The following CYP1A1 variants were observed in gnomAD, a reference collection of about 807,000 sequenced individuals.
CYP1A1 encodes the protein cytochrome P450 1A1.
CYP1A1 carries 43 observed loss-of-function variants against 33.6 expected under a neutral mutation model. The observed-to-expected ratio is 1.28, with a 90% CI of 1.00 to 1.65. The LOEUF is 1.65. CYP1A1 is among the 40% of genes most tolerant of loss of function. The pLI, the probability that CYP1A1 is intolerant of heterozygous loss-of-function variation, is 0.00. For synonymous variants in CYP1A1, 280 were observed against 257.8 expected (o/e 1.09, Z -0.83); for missense variants, 637 against 653.7 (o/e 0.97, Z 0.28).
intron 1 of CYP1A1, among the ~76,000 whole-genome samples, chr15:74,724,149 TC>T (rs2063195881): frequency 1.3e-5 from 2 of 151,672 alleles, no homozygotes; most frequent in African/African-American, 4.9e-5. Flanking sequence ...AGTTTGGACC[TC>T]CCCCTTTTGC....
Position 74,720,929 on chromosome 15 carries a change from G to T in CYP1A1, c.1253+38C>A, listed in dbSNP as rs749661298. 8.7e-6 allele frequency: 14 copies of T among 1,602,116 alleles called. No individual in the cohort carries two copies. The South Asian group carries it at 9.9e-5, about 11-fold the overall frequency. On this transcript the variant is annotated intron_variant, in intron 6 of 6. Coordinates refer to ENST00000379727, the MANE Select transcript of CYP1A1 (RefSeq NM_001319217.2). ...ATTAATCATATATAAGAGCTTAAGA[G>T]GGTGGACCCAGCCTTTCCTCTGCAT...
intron 2 of CYP1A1, 63 bp from the exon 3 acceptor site, chr15:74,721,780 G>T (rs1319690892): frequency 3.8e-6 from 6 of 1,584,036 alleles, no homozygotes; most frequent in Non-Finnish European, 5.1e-6. Flanking sequence ...CTCCATCCAG[G>T]TCTGGTCCTT....
Position 74,720,366 on chromosome 15 carries a change from A to G in CYP1A1, c.*123T>C. On this transcript the variant is annotated 3_prime_UTR_variant, in exon 7 of 7. Coordinates refer to ENST00000379727, the MANE Select transcript of CYP1A1 (RefSeq NM_001319217.2). ...GCTTGCCCACAGCCCAGATAGCAAAACTGCAGCCAGATCAGTGTCTATGAG... is the reference window on the plus strand; with the variant it reads ...GCTTGCCCACAGCCCAGATAGCAAAGCTGCAGCCAGATCAGTGTCTATGAG... 1 of 1,186,910 alleles carries G rather than the reference A, an allele frequency of 8.4e-7. No homozygotes were observed. Among genetic ancestry groups the G allele is most frequent in the East Asian group, 2.5e-5 (1 of 39,588 alleles). 73.5% of individuals were successfully genotyped at this position (1,186,910 alleles called of 1,614,324 possible). A position where few individuals can be genotyped will look rare whatever the true frequency, so the allele number is the denominator to read the frequency against.
Position 74,720,683 on chromosome 15 carries a change from T to C in CYP1A1, c.1345A>G (p.Ile449Val). 6.2e-7 allele frequency: 1 copy of C among 1,614,140 alleles called. No homozygotes were observed. Among genetic ancestry groups the C allele is most frequent in the Non-Finnish European group, 8.5e-7 (1 of 1,180,028 alleles). ...IDKVLSEKVI[I>V]FGMGKRKCIG... is the part of the protein sequence containing the mutation. ...CACTTCCGCTTGCCCATGCCAAAGA[T>C]AATCACCTTCTCACTTAACACCTTG... The change falls in exon 7 of 7, where the codon ATC (isoleucine) becomes GTC (valine). Residue 449 changes from isoleucine to valine, a missense_variant. Coordinates refer to ENST00000379727, the MANE Select transcript of CYP1A1 (RefSeq NM_001319217.2).
In CYP1A1 at chr15:74,720,671, C is replaced by G. The variant is rs763427692; in HGVS notation, c.1357G>C (p.Gly453Arg). Reference protein sequence around the residue: ...LSEKVIIFGMGKRKCIGETIA... With the variant: ...LSEKVIIFGMRKRKCIGETIA... ...GTCTCACCGATACACTTCCGCTTGC[C>G]CATGCCAAAGATAATCACCTTCTCA... Residue 453 changes from glycine (G) to arginine (R), a missense_variant, in exon 7 of 7, where the codon GGC becomes CGC. Physicochemically the swap from Gly to Arg is moderately radical, Grantham distance 125. Coordinates refer to ENST00000379727, the MANE Select transcript of CYP1A1 (RefSeq NM_001319217.2). 3.2e-5 allele frequency: 51 copies of G among 1,614,042 alleles called. No homozygotes were observed. Among genetic ancestry groups the G allele is most frequent in the Non-Finnish European group, 4.2e-5 (50 of 1,180,042 alleles).
rs1285568419 is a variant in CYP1A1 at position 74,723,004 on chromosome 15, G to A, written c.94C>T (p.Gln32Ter). 3.1e-6 allele frequency: 5 copies of A among 1,613,944 alleles called. No individual in the cohort carries two copies. The highest frequency in any genetic ancestry group is 4.2e-6 in the Non-Finnish European group (5 of 1,179,860). ...GGATTCTTCAGGCCTTTGGGGACCT[G>A]AGGTCTTGAGGCCCTGATTACCCAG... ...VFWVIRASRP[Q>*]VPKGLKNPPG... The change falls in exon 2 of 7, where the codon CAG (glutamine) becomes TAG (stop). Residue 32 changes from glutamine (Q) to a stop codon, truncating the protein, a stop_gained. Coordinates refer to ENST00000379727, the MANE Select transcript of CYP1A1 (RefSeq NM_001319217.2). LOFTEE classifies it high-confidence loss of function.
In CYP1A1 at chr15:74,721,395, G is replaced by A. The variant is rs1249804497; in HGVS notation, c.1042+19C>T. ...CCAGACCCCTGGCACTGACCCCTTT[G>A]AAGGGAGCCACTACCTACCTAGCTC... On this transcript the variant is annotated intron_variant, in intron 4 of 6. Coordinates refer to ENST00000379727, the MANE Select transcript of CYP1A1 (RefSeq NM_001319217.2). 1 of 1,614,150 alleles carries A rather than the reference G, an allele frequency of 6.2e-7. No homozygotes were observed. Among genetic ancestry groups the A allele is most frequent in the Admixed American group, 1.7e-5 (1 of 60,030 alleles).
Position 74,722,884 on chromosome 15 carries a change from C to G in CYP1A1, c.214G>C (p.Asp72His). 6.2e-7 allele frequency: 1 copy of G among 1,614,152 alleles called. No homozygotes were observed. Residue 72 changes from aspartate to histidine, a missense_variant, in exon 2 of 7, where the codon GAC (aspartate) becomes CAC (histidine). Physicochemically the swap from Asp to His is moderately conservative, Grantham distance 81. Transcript: ENST00000379727. ...GAGCCAATTCGGATCTGCAGCACGT[C>G]CCCATACTGCTGGCTCATCCTTGAC... ...ALSRMSQQYG[D>H]VLQIRIGSTP... is the part of the protein sequence containing the mutation.
At chr15:74,721,536 G>A (rs748357589) in intron 3 of CYP1A1, 33 bp from the exon 4 acceptor site, 1 of 1,614,146 alleles carries the variant, frequency 6.2e-7, no homozygotes, top group East Asian at 2.2e-5. Flanking sequence ...AGTTAGGCAG[G>A]CAGCAGCAGG....
rs2063177538 is a variant in CYP1A1, at chr15:74,722,364, T to C, written c.734A>G (p.Asn245Ser). 2.5e-6 allele frequency: 4 copies of C among 1,613,856 alleles called. No homozygotes were observed. The highest frequency in any genetic ancestry group is 3.4e-6 in the Non-Finnish European group (4 of 1,179,976). The part of the protein sequence containing the change: ...DFIPILRYLP[N>S]PSLNAFKDLN... ...GTCCTTGAAGGCATTCAGGGAAGGG[T>C]TGGGTAGGTAGCGAAGAATAGGGAT... The change falls in exon 2 of 7, where the codon AAC becomes AGC. Residue 245 changes from asparagine (N) to serine (S), a missense_variant. By Grantham distance (46) the Asn-to-Ser change is conservative. Transcript: ENST00000379727.
rs1159724093 is a variant in CYP1A1 at position 74,721,927 on chromosome 15, C to A, written c.826-210G>T. 5 of 621,472 alleles carry A rather than the reference C, an allele frequency of 8.0e-6. No homozygotes were observed. In the African/African-American group the frequency reaches 9.2e-5, roughly 11 times the overall value. The allele number at this position is 621,472 out of a possible 1,614,324, so 38.5% of individuals were successfully genotyped here. ...AACTCATGGGACATTTGACACACAGCGTCTTGTACTGTTATCATCTGGATG... is the reference window on the plus strand; with the variant it reads ...AACTCATGGGACATTTGACACACAGAGTCTTGTACTGTTATCATCTGGATG... On this transcript the variant is annotated intron_variant, in intron 2 of 6. Coordinates refer to ENST00000379727, the MANE Select transcript of CYP1A1 (RefSeq NM_001319217.2).
In CYP1A1 at chr15:74,723,093, A is replaced by C. The variant is rs1176559692; in HGVS notation, c.5T>G (p.Leu2Arg). 1.3e-6 allele frequency: 2 copies of C among 1,583,370 alleles called. No homozygotes were observed. Among genetic ancestry groups the C allele is most frequent in the Non-Finnish European group, 1.7e-6 (2 of 1,162,696 alleles). The change falls in exon 2 of 7, where the codon CTT becomes CGT. Residue 2 changes from leucine to arginine, a missense_variant. Coordinates refer to ENST00000379727, the MANE Select transcript of CYP1A1 (RefSeq NM_001319217.2). ...CGTGGCCGACATGGAGATTGGGAAA[A>C]GCATGATCAGTGTAGGGATCTTGGA... M[L>R]FPISMSATEF...
At chr15:74,724,708 C>G (rs2063201578) in intron 1 of CYP1A1, among the ~76,000 whole-genome samples, 1 of 150,582 alleles carries the variant, frequency 6.6e-6, no homozygotes, top group African/African-American at 2.4e-5. Context: ...GCTATGGTGT[C>G]CCCTTCTGCA....
chr15:74,722,923 G>A lies in CYP1A1; in HGVS notation c.175C>T (p.Pro59Ser), dbSNP rs2063185796. ...CTCATCCTTGACAGTGCCAGGTGCGGGTTCTTTCCCAGGGTCAGCATGTGC... is the reference window on the plus strand; with the variant it reads ...CTCATCCTTGACAGTGCCAGGTGCGAGTTCTTTCCCAGGGTCAGCATGTGC... ...IGHMLTLGKNPHLALSRMSQQ... is the reference protein window; with the variant it reads ...IGHMLTLGKNSHLALSRMSQQ... The change falls in exon 2 of 7, where the codon CCG becomes TCG. Residue 59 changes from proline to serine, a missense_variant. Pro to Ser is a moderately conservative substitution (Grantham distance 74). Transcript: ENST00000379727. The A allele has an allele frequency of 6.2e-7, 1 of 1,614,060 alleles. No individual in the cohort carries two copies. Among genetic ancestry groups the A allele is most frequent in the Admixed American group, 1.7e-5 (1 of 60,002 alleles).
Position 74,722,638 on chromosome 15 carries a change from A to C in CYP1A1, c.460T>G (p.Ser154Ala). ...TGCTCTTCCAGGTAGCAGGAGGTTG[A>C]GGAGGCTGGGTCAGAGGCAATGGAG... ...SFSIASDPAS[S>A]TSCYLEEHVS... is the part of the protein sequence containing the mutation. Residue 154 changes from serine to alanine, a missense_variant, in exon 2 of 7, where the codon TCA (serine) becomes GCA (alanine). Physicochemically the swap from Ser to Ala is moderately conservative, Grantham distance 99 (BLOSUM62 1). Transcript: ENST00000379727. The C allele has an allele frequency of 6.2e-7, 1 of 1,614,032 alleles. No individual in the cohort carries two copies. The highest frequency in any genetic ancestry group is 8.5e-7 in the Non-Finnish European group (1 of 1,180,018).
rs2063170232 is a variant in CYP1A1 at position 74,721,519 on chromosome 15, CAGA to C, written c.953-19_953-17del. 3 of 1,614,162 alleles carry C rather than the reference CAGA, an allele frequency of 1.9e-6. No homozygotes were observed. The highest frequency in any genetic ancestry group is 1.7e-6 in the Non-Finnish European group (2 of 1,180,018). ...GTGTCAAACCCTGGACAGGGTAGAA[CAGA>C]AGAAGTTAGGCAGGCAGCAGCAGGT... On this transcript the variant is annotated splice_polypyrimidine_tract_variant and intron_variant, in intron 3 of 6. Coordinates refer to ENST00000379727, the MANE Select transcript of CYP1A1 (RefSeq NM_001319217.2).
chr15:74,723,264 G>A, intron 1 of CYP1A1, 138 bp from the exon 2 acceptor site: 1 of 564,112 alleles, frequency 1.8e-6, no homozygotes, highest in Non-Finnish European at 3.1e-6. Context: ...GGTGAGGTGG[G>A]GAGAAGTTGT....
rs56343424 is a variant in CYP1A1 at position 74,720,496 on chromosome 15, C to T, written c.1532G>A (p.Arg511His). 21 of 1,565,894 alleles carry T rather than the reference C, an allele frequency of 1.3e-5. No individual in the cohort carries two copies. Among genetic ancestry groups the T allele is most frequent in the East Asian group, 1.1e-4 (5 of 44,548 alleles). Reference protein sequence around the residue: ...ACCEHFQMQLRS With the variant: ...ACCEHFQMQLHS ...CTCAGGGCTCTCAAGCACCTAAGAG[C>T]GCAGCTGCATTTGGAAGTGCTCACA... The change falls in exon 7 of 7, where the codon CGC becomes CAC. Residue 511 changes from arginine to histidine, a missense_variant. Arg to His is a conservative substitution (Grantham distance 29). Coordinates refer to ENST00000379727, the MANE Select transcript of CYP1A1 (RefSeq NM_001319217.2).
In CYP1A1 at chr15:74,722,672, C is replaced by G; in HGVS notation, c.426G>C (p.Leu142=). 2 of 1,613,874 alleles carry G rather than the reference C, an allele frequency of 1.2e-6. No homozygotes were observed. Among genetic ancestry groups the G allele is most frequent in the South Asian group, 1.1e-5 (1 of 91,082 alleles). ...GGTCAGAGGCAATGGAGAAACTTTTCAGGCCATTCTGGGCCAGGCGCCGGC... is the reference window on the plus strand; with the variant it reads ...GGTCAGAGGCAATGGAGAAACTTTTGAGGCCATTCTGGGCCAGGCGCCGGC... ...AARRRLAQNG[L]KSFSIASDPA... Residue 142 remains leucine (L), a synonymous_variant, in exon 2 of 7, where the codon CTG becomes CTC. Coordinates refer to ENST00000379727, the MANE Select transcript of CYP1A1 (RefSeq NM_001319217.2).
Sources: gnomAD v4.1 joint callset for allele counts (sites outside exome capture counted in the v4.1 genomes callset) on GRCh38, gnomAD v4.1.1 for gene constraint, MANE v1.5 for transcripts, NCBI Gene and HGNC (gene_info 2026-07-23, HGNC 2026-07-21) for gene names.